Variants in COL4A5 observed in about 807,000 individuals in gnomAD.
COL4A5 encodes collagen type IV alpha 5 chain, also known as collagen alpha-5(IV) chain.
Under a neutral mutation model 130.2 loss-of-function variants are expected in COL4A5, and 26 were observed. The observed-to-expected ratio is 0.20, with a 90% CI of 0.15 to 0.28. The LOEUF is 0.28. Ranked by LOEUF, COL4A5 falls within the 10% of genes least tolerant of loss-of-function variation. The probability of loss-of-function intolerance (pLI) is 1.00; values close to 1 mark genes in which losing one functional copy is unlikely to be tolerated. For synonymous variants in COL4A5, 496 were observed against 439.6 expected (o/e 1.13, Z -1.60); for missense variants, 1,131 against 1,344.3 (o/e 0.84, Z 2.48).
At chrX:108,586,097 T>C (rs1259585745) in intron 18 of COL4A5, among the ~76,000 whole-genome samples, 1 of 111,872 alleles carries the variant, frequency 8.9e-6, no homozygotes, top group Non-Finnish European at 1.9e-5. Context: ...TGACTTACAG[T>C]TCAGGATTAA....
intron 36 of COL4A5, among the ~76,000 whole-genome samples, chrX:108,641,296 G>A (rs2067461062): frequency 8.9e-6 from 1 of 111,999 alleles, no homozygotes; most frequent in South Asian, 3.7e-4. Context: ...GCAGCCAAAA[G>A]TGAAGAAAAC....
intron 1 of COL4A5, among the ~76,000 whole-genome samples, chrX:108,490,217 C>T (rs746182390): frequency 8.9e-6 from 1 of 112,132 alleles, no homozygotes; most frequent in East Asian, 2.8e-4. Context: ...AAATACTAAA[C>T]AGTTCCAACA....
chrX:108,494,061 A>G (rs900257897), intron 1 of COL4A5, among the ~76,000 whole-genome samples: 2 of 111,819 alleles, frequency 1.8e-5, no homozygotes, highest in African/African-American at 6.5e-5. Context: ...TAAGTCTACA[A>G]TACTTTTCCT....
At chrX:108,580,805 C>G in intron 15 of COL4A5, 67 bp downstream of exon 15, 1 of 1,038,270 alleles carries the variant, frequency 9.6e-7, no homozygotes, top group Non-Finnish European at 1.3e-6. Flanking sequence ...TGATTTTATT[C>G]TTTCTTCCTA....
Position 108,502,274 on chromosome X carries a change from G to T in COL4A5, c.82-37472G>T, listed in dbSNP as rs752794303. ...GAAGGTAATAGTTTTGTTTTGTTTTGTTTTGTTTTGTTTTGTTTTGTTTTT... is the reference window on the plus strand; with the variant it reads ...GAAGGTAATAGTTTTGTTTTGTTTTTTTTTGTTTTGTTTTGTTTTGTTTTT... On this transcript the variant is annotated intron_variant, in intron 1 of 52. Coordinates refer to ENST00000328300, the MANE Select transcript of COL4A5 (RefSeq NM_033380.3). Among the ~76,000 whole-genome samples the T allele has an allele frequency of 4.6e-5, 5 of 109,338 alleles. No individual in the cohort carries two copies. The South Asian group carries it at 1.2e-3, about 25-fold the overall frequency. The allele number at this position is 109,338 out of a possible 115,157, so 94.9% of individuals were successfully genotyped here.
At chrX:108,488,660 G>T (rs761020130) in intron 1 of COL4A5, among the ~76,000 whole-genome samples, 1 of 111,980 alleles carries the variant, frequency 8.9e-6, no homozygotes, top group African/African-American at 3.2e-5. Flanking sequence ...ATGCATTTCT[G>T]TTCTGAATAA....
intron 1 of COL4A5, among the ~76,000 whole-genome samples, chrX:108,483,381 G>A (rs1250791514): frequency 2.7e-5 from 3 of 111,442 alleles, no homozygotes; most frequent in Non-Finnish European, 3.8e-5. Context: ...ATTTTCAAGG[G>A]CAGGAAGCAT....
At chrX:108,556,591 A>G (rs770776670) in intron 2 of COL4A5, among the ~76,000 whole-genome samples, 8 of 111,110 alleles carry the variant, frequency 7.2e-5, no homozygotes, top group Non-Finnish European at 1.3e-4. Context: ...TTTAAGTTTG[A>G]CCTTTAGAAA....
chrX:108,485,577 G>C (rs764380565), intron 1 of COL4A5, among the ~76,000 whole-genome samples: 1 of 110,454 alleles, frequency 9.1e-6, no homozygotes, highest in South Asian at 3.9e-4. Context: ...TTCCTTTCTG[G>C]CCTGGGGTGT....
At chrX:108,485,636 ACT>A (rs1324085081) in intron 1 of COL4A5, among the ~76,000 whole-genome samples, 1 of 109,304 alleles carries the variant, frequency 9.1e-6, no homozygotes, top group Non-Finnish European at 1.9e-5. Flanking sequence ...AGTCCTCATG[ACT>A]CTGACTGGAG....
chrX:108,617,050 T>A (rs2066941860), intron 30 of COL4A5, among the ~76,000 whole-genome samples: 1 of 110,657 alleles, frequency 9.0e-6, no homozygotes, highest in Admixed American at 9.6e-5. Context: ...GCATGAAAAT[T>A]TATTGAATTC....
chrX:108,485,267 C>A (rs1404932992), intron 1 of COL4A5, among the ~76,000 whole-genome samples: 2 of 111,997 alleles, frequency 1.8e-5, no homozygotes, highest in African/African-American at 3.2e-5. Flanking sequence ...AATTGAGGAC[C>A]CCAAGAGCCC....
chrX:108,571,417 A>G lies in COL4A5; in HGVS notation c.389A>G (p.Glu130Gly). The change falls in exon 7 of 53, where the codon GAA (glutamate) becomes GGA (glycine). Residue 130 changes from glutamate to glycine, a missense_variant. Transcript: ENST00000328300. ...TTTATTTTTAACTCCTTCTAGGGAG[A>G]ACGTGGATTTCCAGGCAGTCCCGGT... ...GIPGCNGTKG[E>G]RGFPGSPGFP... 1 of 1,198,366 alleles carries G rather than the reference A, an allele frequency of 8.3e-7. No homozygotes were observed. Among genetic ancestry groups the G allele is most frequent in the Non-Finnish European group, 1.1e-6 (1 of 884,522 alleles).
At chrX:108,648,334 A>T (rs1325864243) in intron 36 of COL4A5, among the ~76,000 whole-genome samples, 1 of 111,531 alleles carries the variant, frequency 9.0e-6, no homozygotes, top group Non-Finnish European at 1.9e-5. Flanking sequence ...TTCAAAGAAG[A>T]ATTGGCACCA....
intron 1 of COL4A5, among the ~76,000 whole-genome samples, chrX:108,478,291 G>A (rs988577264): frequency 8.1e-5 from 9 of 111,276 alleles, no homozygotes; most frequent in African/African-American, 2.9e-4. Flanking sequence ...TGGAATTGTT[G>A]TTGTGTCTCC....
chrX:108,444,806 A>G (rs1406264732), intron 1 of COL4A5, among the ~76,000 whole-genome samples: 2 of 111,857 alleles, frequency 1.8e-5, no homozygotes, highest in Admixed American at 1.9e-4. Flanking sequence ...CCAGTCCAAG[A>G]CCCTAGAATA....
In COL4A5 at chrX:108,495,632, A is replaced by G. The variant is rs138199252; in HGVS notation, c.82-44114A>G. Among the ~76,000 whole-genome samples the G allele has an allele frequency of 7.7e-4, 86 of 112,014 alleles. 1 individual carries two copies. In the East Asian group the frequency reaches 0.02, roughly 27 times the overall value. Reference sequence around the variant, plus strand: ...AAATTTGGAGAAGAGATGTGTGAATAGACCTCCCTGAATGGGCAAAAAACA... The same window carrying G: ...AAATTTGGAGAAGAGATGTGTGAATGGACCTCCCTGAATGGGCAAAAAACA... On this transcript the variant is annotated intron_variant, in intron 1 of 52. Transcript: ENST00000328300.
chrX:108,488,197 G>T (rs1209173113), intron 1 of COL4A5, among the ~76,000 whole-genome samples: 1 of 112,388 alleles, frequency 8.9e-6, no homozygotes, highest in East Asian at 2.8e-4. Flanking sequence ...TTGCAAACAT[G>T]TGCACACATT....
At chrX:108,510,860 T>C (rs949100924) in intron 1 of COL4A5, among the ~76,000 whole-genome samples, 1 of 104,715 alleles carries the variant, frequency 9.5e-6, no homozygotes, top group African/African-American at 4.1e-5. Context: ...TATTTTTTAA[T>C]TGACAATAAT....
Sources: gnomAD v4.1 joint callset for allele counts (sites outside exome capture counted in the v4.1 genomes callset) on GRCh38, gnomAD v4.1.1 for gene constraint, MANE v1.5 for transcripts, NCBI Gene and HGNC (gene_info 2026-07-23, HGNC 2026-07-21) for gene names.